Variants in IQGAP1 observed in about 807,000 individuals in gnomAD.
The protein encoded by IQGAP1 is ras GTPase-activating-like protein IQGAP1.
A neutral mutation model predicts 215.6 loss-of-function variants in IQGAP1; 66 were observed. The observed-to-expected ratio is 0.31, with a 90% CI of 0.25 to 0.38. The LOEUF (loss-of-function observed/expected upper bound fraction) is 0.38. Among genes scored for constraint, IQGAP1 ranks in the 10% least tolerant of loss-of-function variants. IQGAP1 has a pLI of 1.00. For missense variants in IQGAP1, 1,712 were observed against 1,997.1 expected, an observed-to-expected ratio of 0.86 and a Z score of 2.72; for synonymous variants, 772 against 728.7, an observed-to-expected ratio of 1.06 and a Z score of -0.96.
Position 90,482,245 on chromosome 15 carries a change from G to A in IQGAP1, c.3519G>A (p.Glu1173=). The A allele has an allele frequency of 6.2e-7, 1 of 1,614,236 alleles. No individual in the cohort carries two copies. The change falls in exon 28 of 38, where the codon GAG becomes GAA. Residue 1173 remains glutamate (E), a synonymous_variant. Transcript: ENST00000268182. ...AAGTGCTGAAGGACTCGTTGCATGA[G>A]AAGTTCCCTGATGCTGGTGAGGATG... is the stretch of plus-strand genomic sequence containing the variant. ...IAKVLKDSLH[E]KFPDAGEDEL...
chr15:90,452,619 A>G (rs963792075), intron 11 of IQGAP1, among the ~76,000 whole-genome samples, 156 bp from the exon 12 acceptor site: 1 of 152,246 alleles, frequency 6.6e-6, no homozygotes, highest in Non-Finnish European at 1.5e-5. Context: ...ACCCTTCTTC[A>G]GACAAAGGAG....
intron 3 of IQGAP1, among the ~76,000 whole-genome samples, chr15:90,426,691 A>G (rs1228672326): frequency 6.6e-6 from 1 of 152,142 alleles, no homozygotes; most frequent in Non-Finnish European, 1.5e-5. Flanking sequence ...GCGGTGGCTC[A>G]CGCCGGTAAT....
chr15:90,426,074 C>G, intron 2 of IQGAP1, 36 bp from the exon 3 acceptor site: 2 of 1,570,338 alleles, frequency 1.3e-6, no homozygotes, highest in Non-Finnish European at 1.7e-6. Context: ...TCTGACCTTC[C>G]CTTTCTTTTT....
At chr15:90,475,825 G>A (rs1489614038) in intron 23 of IQGAP1, 2 of 147,850 alleles carry the variant, frequency 1.4e-5, no homozygotes, top group East Asian at 2.0e-4. Flanking sequence ...ATAGAGAAAA[G>A]AAGATAAATG....
chr15:90,467,957 C>G (rs1441987370), intron 18 of IQGAP1, among the ~76,000 whole-genome samples: 2 of 152,208 alleles, frequency 1.3e-5, no homozygotes, highest in Non-Finnish European at 2.9e-5. Flanking sequence ...CCTGCACTTT[C>G]AAATAAAGTT....
rs569854403 is a variant in IQGAP1 at position 90,473,933 on chromosome 15, G to T, written c.2471G>T (p.Arg824Leu). 5 of 1,614,002 alleles carry T rather than the reference G, an allele frequency of 3.1e-6. No individual in the cohort carries two copies. Among genetic ancestry groups the T allele is most frequent in the South Asian group, 1.1e-5 (1 of 91,072 alleles). The part of the protein sequence containing the change: ...SLARMHQARK[R>L]YRDRLQYFRD... ...GCAAGGATGCACCAAGCTCGAAAGC[G>T]CTATCGAGATCGCCTGCAGTACTTC... The change falls in exon 21 of 38, where the codon CGC becomes CTC. Residue 824 changes from arginine (R) to leucine (L), a missense_variant. By Grantham distance (102) the Arg-to-Leu change is moderately radical. This residue lies in a region of IQGAP1 where 1,021 missense variants were observed against 1,074.2 expected (regional missense o/e 0.95). Coordinates refer to ENST00000268182, the MANE Select transcript of IQGAP1 (RefSeq NM_003870.4).
At chr15:90,392,246 T>A (rs1964645836) in intron 2 of IQGAP1, among the ~76,000 whole-genome samples, 2 of 152,234 alleles carry the variant, frequency 1.3e-5, no homozygotes, top group South Asian at 4.1e-4. Flanking sequence ...GTTTCAGTGA[T>A]GACTTAAGTG....
rs1964688961 is a variant in IQGAP1 at position 90,394,800 on chromosome 15, C to G, written c.155+3927C>G. Among the ~76,000 whole-genome samples the G allele has an allele frequency of 4.1e-5, 4 of 98,564 alleles. No homozygotes were observed. The South Asian group carries it at 1.4e-3, about 34-fold the overall frequency. The allele number at this position is 98,564 out of a possible 152,430, so 64.7% of individuals were successfully genotyped here. On this transcript the variant is annotated intron_variant, in intron 2 of 37. Transcript: ENST00000268182. ...CTCTTCAGTTCTATTTATAATACCTCTACTTCTACTAAAAGCTCCACCTTT... is the reference window on the plus strand; with the variant it reads ...CTCTTCAGTTCTATTTATAATACCTGTACTTCTACTAAAAGCTCCACCTTT...
intron 2 of IQGAP1, among the ~76,000 whole-genome samples, chr15:90,397,292 C>A (rs1964736005): frequency 6.6e-6 from 1 of 152,102 alleles, no homozygotes; most frequent in Admixed American, 6.5e-5. Flanking sequence ...AATAAAATTT[C>A]TTTGAAAATC....
chr15:90,463,503 G>A (rs1965790380), intron 15 of IQGAP1, among the ~76,000 whole-genome samples: 2 of 152,182 alleles, frequency 1.3e-5, no homozygotes, highest in South Asian at 2.1e-4. Context: ...GTTGTCACAA[G>A]CCTGCAGCTG....
At chr15:90,389,781 T>TC (rs1964608228) in intron 1 of IQGAP1, among the ~76,000 whole-genome samples, 1 of 147,438 alleles carries the variant, frequency 6.8e-6, no homozygotes. Context: ...ACAGTGAGAC[T>TC]CCATCTCTTA....
intron 33 of IQGAP1, among the ~76,000 whole-genome samples, chr15:90,489,467 T>C (rs1966173852): frequency 6.6e-6 from 1 of 152,108 alleles, no homozygotes; most frequent in African/African-American, 2.4e-5. Context: ...GGAAAGTAGG[T>C]CAAGTCATTC....
At chr15:90,438,913 C>T (rs1043417056) in intron 5 of IQGAP1, among the ~76,000 whole-genome samples, 6 of 151,868 alleles carry the variant, frequency 4.0e-5, no homozygotes, top group African/African-American at 1.5e-4. Context: ...TTAGTAGAGA[C>T]AGGGTTTTGT....
intron 2 of IQGAP1, among the ~76,000 whole-genome samples, chr15:90,400,259 C>T (rs572384553): frequency 2.0e-4 from 30 of 152,204 alleles, no homozygotes; most frequent in African/African-American, 6.0e-4. Flanking sequence ...ATTTTGTTTA[C>T]GTTAAATAAG....
At chr15:90,398,273 A>G (rs1440053053) in intron 2 of IQGAP1, among the ~76,000 whole-genome samples, 1 of 152,150 alleles carries the variant, frequency 6.6e-6, no homozygotes, top group Non-Finnish European at 1.5e-5. Context: ...CAAGGTCCTA[A>G]GGTTGGTAGC....
chr15:90,431,677 G>T (rs1252434709), intron 4 of IQGAP1, among the ~76,000 whole-genome samples: 1 of 141,784 alleles, frequency 7.1e-6, no homozygotes, highest in Non-Finnish European at 1.5e-5. Context: ...GCCTTGAATT[G>T]TCCACCCTAC....
intron 5 of IQGAP1, among the ~76,000 whole-genome samples, chr15:90,438,410 T>C (rs577333127): frequency 7.2e-5 from 11 of 152,342 alleles, no homozygotes; most frequent in African/African-American, 2.4e-4. Context: ...TAAACATTAG[T>C]GAATGAGCCC....
At chr15:90,413,006 C>T (rs955859064) in intron 2 of IQGAP1, among the ~76,000 whole-genome samples, 1 of 152,184 alleles carries the variant, frequency 6.6e-6, no homozygotes, top group Non-Finnish European at 1.5e-5. Flanking sequence ...TTCTTTTCTG[C>T]ATATGCTCTT....
chr15:90,434,952 T>C (rs1484454184), intron 5 of IQGAP1, among the ~76,000 whole-genome samples: 2 of 152,172 alleles, frequency 1.3e-5, no homozygotes, highest in Admixed American at 6.5e-5. Flanking sequence ...GAGTGAGATA[T>C]TTGCTTGGGC....
Sources: allele counts gnomAD v4.1 joint callset (sites outside exome capture counted in the v4.1 genomes callset), GRCh38; gene constraint gnomAD v4.1.1; regional missense constraint gnomAD v4.1.1; transcripts MANE v1.5; gene names NCBI Gene and HGNC (gene_info 2026-07-23, HGNC 2026-07-21).